Variants in PDLIM5 observed in about 807,000 individuals in gnomAD.
PDLIM5 encodes PDZ and LIM domain 5, also known as PDZ and LIM domain protein 5.
PDLIM5 carries 34 observed loss-of-function variants against 64.2 expected under a neutral mutation model. The observed-to-expected ratio is 0.53, with a 90% confidence interval of 0.40 to 0.71. The LOEUF is 0.71. PDLIM5 is among the 30% of genes least tolerant of loss of function. PDLIM5 has a pLI of 0.00. For synonymous variants in PDLIM5, 253 were observed against 269.1 expected, an observed-to-expected ratio of 0.94 and a Z score of 0.59; for missense variants, 683 against 733.6, an observed-to-expected ratio of 0.93 and a Z score of 0.80.
intron 2 of PDLIM5, among the ~76,000 whole-genome samples, chr4:94,497,820 C>T (rs1727541714): frequency 6.6e-6 from 1 of 152,134 alleles, no homozygotes. Flanking sequence ...CCACTGTGAG[C>T]TACCAACATT....
chr4:94,565,170 G>A (rs570435956), intron 3 of PDLIM5, among the ~76,000 whole-genome samples: 1 of 152,246 alleles, frequency 6.6e-6, no homozygotes, highest in South Asian at 2.1e-4. Context: ...ATAATTTCTG[G>A]TAATGCAGAA....
chr4:94,587,296 A>AT, intron 7 of PDLIM5: 1 of 1,341,920 alleles, frequency 7.5e-7, no homozygotes, highest in Non-Finnish European at 9.5e-7. Context: ...AAAAAAAAAA[A>AT]AATAGAAAAT....
At chr4:94,498,801 A>C (rs2126129541) in intron 2 of PDLIM5, among the ~76,000 whole-genome samples, 1 of 152,358 alleles carries the variant, frequency 6.6e-6, no homozygotes, top group African/African-American at 2.4e-5. Flanking sequence ...TTGGAAAAGT[A>C]GGTTCTTTAA....
intron 2 of PDLIM5, among the ~76,000 whole-genome samples, chr4:94,493,342 C>T (rs1160128745): frequency 2.0e-5 from 3 of 151,358 alleles, no homozygotes; most frequent in African/African-American, 4.9e-5. Flanking sequence ...GGCAGAGTCT[C>T]ACTCTGTCAC....
intron 2 of PDLIM5, among the ~76,000 whole-genome samples, chr4:94,523,505 T>G (rs1367917621): frequency 1.3e-5 from 2 of 152,180 alleles, no homozygotes; most frequent in Non-Finnish European, 2.9e-5. Flanking sequence ...AAATTCAGTT[T>G]TTTTTTATAG....
chr4:94,531,370 A>G (rs570835568), intron 3 of PDLIM5, among the ~76,000 whole-genome samples: 59 of 152,172 alleles, frequency 3.9e-4, no homozygotes, highest in Non-Finnish European at 5.1e-4. Context: ...AAATCCTTAT[A>G]TCAATCCATT....
chr4:94,574,498 C>CAA (rs70946534), intron 4 of PDLIM5, among the ~76,000 whole-genome samples: 30,622 of 95,914 alleles, frequency 0.32, 4,044 homozygotes, highest in East Asian at 0.45. Context: ...ACTCCTGTCT[C>CAA]AAAAAAAAAA....
chr4:94,600,114 C>G (rs1005226245), intron 7 of PDLIM5, among the ~76,000 whole-genome samples: 1 of 152,124 alleles, frequency 6.6e-6, no homozygotes, highest in Non-Finnish European at 1.5e-5. Context: ...GATTAATCCT[C>G]AGAGTCCATT....
chr4:94,609,336 A>C (rs1738178041), intron 7 of PDLIM5, among the ~76,000 whole-genome samples: 1 of 152,198 alleles, frequency 6.6e-6, no homozygotes, highest in Non-Finnish European at 1.5e-5. Context: ...TTAATAACCA[A>C]TTTGAAAATC....
chr4:94,567,171 T>C (rs949575277), intron 3 of PDLIM5, among the ~76,000 whole-genome samples: 1 of 152,156 alleles, frequency 6.6e-6, no homozygotes, highest in South Asian at 2.1e-4. Context: ...TTTTTTGTAT[T>C]TTTAGTAGAG....
In PDLIM5 at chr4:94,618,855, TA is replaced by T. The variant is rs201554251; in HGVS notation, c.1108+672del. ...AACATGAACAAAGTTTATGATTATG[TA>T]AAAAAAAGTACCCCTTTTAACAGGA... On this transcript the variant is annotated intron_variant, in intron 8 of 12. Coordinates refer to ENST00000317968, the MANE Select transcript of PDLIM5 (RefSeq NM_006457.5). 9.8e-3 allele frequency among the ~76,000 whole-genome samples: 1,487 copies of T among 152,128 alleles called. 39 individuals carry two copies. Among genetic ancestry groups the T allele is most frequent in the South Asian group, 0.08 (383 of 4,802 alleles).
At position 94,646,743 on chromosome 4, in the gene PDLIM5, G is replaced by T. The variant is rs1288287712; in HGVS notation, c.1283+6293G>T. Among the ~76,000 whole-genome samples the T allele has an allele frequency of 2.6e-5, 4 of 152,170 alleles. No individual in the cohort carries two copies. The East Asian group carries it at 5.8e-4, about 22-fold the overall frequency. ...ATATTTTGTACAACAAATGTCCATT[G>T]AAAACTTCTATGCAAGTTACCATAC... On this transcript the variant is annotated intron_variant, in intron 9 of 12. Coordinates refer to ENST00000317968, the MANE Select transcript of PDLIM5 (RefSeq NM_006457.5).
At chr4:94,576,279 A>G (rs1735248496) in intron 5 of PDLIM5, among the ~76,000 whole-genome samples, 1 of 126,528 alleles carries the variant, frequency 7.9e-6, no homozygotes, top group African/African-American at 2.5e-5. Context: ...TCTGTAACTC[A>G]TTTTTTGTAA....
intron 3 of PDLIM5, among the ~76,000 whole-genome samples, chr4:94,526,002 T>A (rs1172694521): frequency 1.3e-5 from 2 of 152,142 alleles, no homozygotes; most frequent in Non-Finnish European, 2.9e-5. Flanking sequence ...TGAAGGGAAA[T>A]CAAGAGGTCA....
intron 2 of PDLIM5, among the ~76,000 whole-genome samples, chr4:94,505,183 C>T (rs1200920689): frequency 6.6e-6 from 1 of 152,178 alleles, no homozygotes; most frequent in African/African-American, 2.4e-5. Flanking sequence ...CACTACCTAC[C>T]TGGAGATAGC....
intron 7 of PDLIM5, among the ~76,000 whole-genome samples, chr4:94,600,289 CAT>C (rs1737392307): frequency 6.6e-6 from 1 of 152,128 alleles, no homozygotes; most frequent in Non-Finnish European, 1.5e-5. Flanking sequence ...GCGTTTGGGA[CAT>C]ATGATCCAGA....
At chr4:94,647,497 TAAA>T (rs569760629) in intron 9 of PDLIM5, among the ~76,000 whole-genome samples, 5 of 151,972 alleles carry the variant, frequency 3.3e-5, no homozygotes, top group Non-Finnish European at 7.4e-5. Flanking sequence ...ATAAGTGAAA[TAAA>T]AACTGTCAGA....
intron 10 of PDLIM5, among the ~76,000 whole-genome samples, chr4:94,656,391 A>G (rs985597098): frequency 6.6e-6 from 1 of 152,014 alleles, no homozygotes; most frequent in African/African-American, 2.4e-5. Flanking sequence ...ATCTGGCCCA[A>G]ATCTTTATAA....
At chr4:94,563,766 G>GT (rs1328283246) in intron 3 of PDLIM5, among the ~76,000 whole-genome samples, 1 of 151,954 alleles carries the variant, frequency 6.6e-6, no homozygotes, top group East Asian at 1.9e-4. Context: ...ATATTTTGTT[G>GT]TTTTCTATTT....
Sources: allele counts gnomAD v4.1 joint callset (sites outside exome capture counted in the v4.1 genomes callset), GRCh38; gene constraint gnomAD v4.1.1; transcripts MANE v1.5; gene names NCBI Gene and HGNC (gene_info 2026-07-23, HGNC 2026-07-21).